LRRC4C: variants seen among roughly 807,000 people sequenced by gnomAD.
LRRC4C encodes leucine rich repeat containing 4C, also known as leucine-rich repeat-containing protein 4C.
A neutral mutation model predicts 33.6 loss-of-function variants in LRRC4C; 5 were observed. The observed-to-expected ratio is 0.15, with a 90% CI of 0.08 to 0.31. LRRC4C has a LOEUF of 0.31. Among genes scored for constraint, LRRC4C ranks in the 10% least tolerant of loss-of-function variants. The probability of loss-of-function intolerance (pLI) is 1.00; values close to 1 mark genes in which losing one functional copy is unlikely to be tolerated. For synonymous variants in LRRC4C, 329 were observed against 302.0 expected (o/e 1.09, Z -0.93); for missense variants, 560 against 796.7 (o/e 0.70, Z 3.58).
At chr11:40,405,060 T>G (rs144459478) in intron 3 of LRRC4C, among the ~76,000 whole-genome samples, 3 of 152,154 alleles carry the variant, frequency 2.0e-5, no homozygotes, top group African/African-American at 7.2e-5. Context: ...TATTTGTTCC[T>G]TTTATTTCCT....
At chr11:40,161,082 C>A (rs1427508466) in intron 5 of LRRC4C, among the ~76,000 whole-genome samples, 2 of 152,122 alleles carry the variant, frequency 1.3e-5, no homozygotes, top group Admixed American at 6.5e-5. Context: ...AGAAAGTTTT[C>A]ATCTAGGAAC....
Position 40,218,667 on chromosome 11 carries a change from A to G in LRRC4C, c.-96+22852T>C, listed in dbSNP as rs1209749158. Among the ~76,000 whole-genome samples, 2 of 110,434 alleles carry G rather than the reference A, an allele frequency of 1.8e-5. 1 individual carries two copies. The highest frequency in any genetic ancestry group is 5.6e-5 in the African/African-American group (2 of 35,584). 72.4% of individuals were successfully genotyped at this position (110,434 alleles called of 152,430 possible). A position where few individuals can be genotyped will look rare whatever the true frequency, so the allele number is the denominator to read the frequency against. ...TTATCTATCTATCATCTATTGCCAT[A>G]AAGAATGGCTAAAGAATGATAAAGA... On this transcript the variant is annotated intron_variant, in intron 5 of 6. Coordinates refer to ENST00000528697, the MANE Select transcript of LRRC4C (RefSeq NM_001258419.2).
chr11:40,791,961 C>T (rs1238808747), intron 2 of LRRC4C, among the ~76,000 whole-genome samples: 2 of 151,556 alleles, frequency 1.3e-5, no homozygotes, highest in Non-Finnish European at 2.9e-5. Context: ...TTAGTGGCTA[C>T]GTAGTCTTTG....
chr11:41,256,620 T>C (rs984200089), intron 1 of LRRC4C, among the ~76,000 whole-genome samples: 17 of 152,018 alleles, frequency 1.1e-4, no homozygotes, highest in Non-Finnish European at 1.9e-4. Flanking sequence ...AACTCATATG[T>C]AGAAAGGAGA....
rs1946831922 is a variant in LRRC4C at position 40,340,798 on chromosome 11, T to G, written c.-269-21077A>C. 5.3e-5 allele frequency among the ~76,000 whole-genome samples: 8 copies of G among 152,258 alleles called. No individual in the cohort carries two copies. In the South Asian group the frequency reaches 1.7e-3, roughly 32 times the overall value. The stretch of plus-strand genomic sequence containing the variant: ...TCTGTTTATTCTGGTTCCTGATCAC[T>G]AAAGACAAAGGGATATGTCTCTTCT... On this transcript the variant is annotated intron_variant, in intron 3 of 6. Coordinates refer to ENST00000528697, the MANE Select transcript of LRRC4C (RefSeq NM_001258419.2).
At chr11:40,786,409 C>A (rs1950412744) in intron 2 of LRRC4C, among the ~76,000 whole-genome samples, 1 of 152,196 alleles carries the variant, frequency 6.6e-6, no homozygotes, top group Admixed American at 6.5e-5. Context: ...TAAGTAGTCA[C>A]AGTCTTCGGG....
rs117560308 is a variant in LRRC4C, at chr11:40,162,699, C to T, written c.-95-21846G>A. ...GGGCCAAGTACTATAACAAACTTTA[C>T]GTAAGGTATGTGATTTGTATCCTCC... On this transcript the variant is annotated intron_variant, in intron 5 of 6. Transcript: ENST00000528697. Among the ~76,000 whole-genome samples the T allele has an allele frequency of 4.5e-3, 678 of 152,200 alleles. 4 individuals carry two copies. The highest frequency in any genetic ancestry group is 7.5e-3 in the Non-Finnish European group (509 of 68,002).
chr11:40,892,961 A>T (rs1350892086), intron 2 of LRRC4C, among the ~76,000 whole-genome samples: 2 of 152,230 alleles, frequency 1.3e-5, no homozygotes, highest in African/African-American at 4.8e-5. Flanking sequence ...ACCACAACAA[A>T]AAAGAAACTA....
In LRRC4C at chr11:40,463,305, G is replaced by GGTGTGTGTGTGT. The variant is rs33911904; in HGVS notation, c.-269-143596_-269-143585dup. 2.7e-4 allele frequency among the ~76,000 whole-genome samples: 39 copies of GGTGTGTGTGTGT among 144,590 alleles called. No individual in the cohort carries two copies. The East Asian group carries it at 6.4e-3, about 24-fold the overall frequency. The allele number at this position is 144,590 out of a possible 152,430, so 94.9% of individuals were successfully genotyped here. ...GATATAGGTGTGCGTATGTGTTACT[G>GGTGTGTGTGTGT]GTGTGTGTGTGTGTGTGTGTGTGTG... On this transcript the variant is annotated intron_variant, in intron 3 of 6. Transcript: ENST00000528697.
At chr11:40,245,373 C>G (rs774194446) in intron 4 of LRRC4C, among the ~76,000 whole-genome samples, 1 of 152,098 alleles carries the variant, frequency 6.6e-6, no homozygotes, top group South Asian at 2.1e-4. Context: ...ACAATAAAAA[C>G]CATGGCTTAT....
At chr11:41,173,736 C>A (rs1258747451) in intron 1 of LRRC4C, among the ~76,000 whole-genome samples, 1 of 152,086 alleles carries the variant, frequency 6.6e-6, no homozygotes, top group Non-Finnish European at 1.5e-5. Flanking sequence ...TCTGCCACCC[C>A]ATCTGCCTGG....
intron 1 of LRRC4C, among the ~76,000 whole-genome samples, chr11:41,139,616 C>T (rs1161375753): frequency 6.6e-6 from 1 of 152,198 alleles, no homozygotes; most frequent in Non-Finnish European, 1.5e-5. Context: ...GTCCATTAAA[C>T]TTCTAGAATC....
intron 3 of LRRC4C, among the ~76,000 whole-genome samples, chr11:40,626,573 T>G (rs1962948803): frequency 6.6e-6 from 1 of 152,148 alleles, no homozygotes; most frequent in South Asian, 2.1e-4. Context: ...CTCTTTATGT[T>G]GTTTTCCACT....
At chr11:41,118,964 T>G (rs890963057) in intron 1 of LRRC4C, among the ~76,000 whole-genome samples, 3 of 152,194 alleles carry the variant, frequency 2.0e-5, no homozygotes, top group Non-Finnish European at 4.4e-5. Flanking sequence ...TCTGCTTATT[T>G]CTTTTTATTT....
At chr11:41,166,926 C>G (rs930473781) in intron 1 of LRRC4C, among the ~76,000 whole-genome samples, 5 of 152,124 alleles carry the variant, frequency 3.3e-5, no homozygotes, top group Admixed American at 6.6e-5. Context: ...CCCCTCTCCC[C>G]CATACAAACT....
chr11:41,271,841 G>C (rs1357692985), intron 1 of LRRC4C, among the ~76,000 whole-genome samples: 4 of 152,116 alleles, frequency 2.6e-5, no homozygotes, highest in Non-Finnish European at 4.4e-5. Flanking sequence ...CAAAGGAAAA[G>C]AGGCAGAGAG....
intron 2 of LRRC4C, among the ~76,000 whole-genome samples, chr11:40,727,251 G>A (rs1009485127): frequency 1.1e-4 from 17 of 152,048 alleles, no homozygotes; most frequent in African/African-American, 3.9e-4. Context: ...ACAGAACCCA[G>A]AAATAAAGCC....
intron 1 of LRRC4C, among the ~76,000 whole-genome samples, chr11:40,998,233 G>T (rs1438589342): frequency 7.0e-6 from 1 of 143,170 alleles, no homozygotes; most frequent in Non-Finnish European, 1.5e-5. Flanking sequence ...AAATTGATCT[G>T]CACATTCTGC....
chr11:40,885,030 A>G (rs372169773), intron 2 of LRRC4C, among the ~76,000 whole-genome samples: 38 of 152,126 alleles, frequency 2.5e-4, no homozygotes, highest in African/African-American at 8.9e-4. Context: ...GACTGGGAAC[A>G]ATGTACACTA....
Sources: allele counts gnomAD v4.1 joint callset (sites outside exome capture counted in the v4.1 genomes callset), GRCh38; gene constraint gnomAD v4.1.1; transcripts MANE v1.5; gene names NCBI Gene and HGNC (gene_info 2026-07-23, HGNC 2026-07-21).